DAW1: variants seen among roughly 807,000 people sequenced by gnomAD.
The protein encoded by DAW1 is dynein assembly factor with WD repeats 1.
DAW1 carries 47 observed loss-of-function variants against 56.5 expected under a neutral mutation model. The observed-to-expected ratio is 0.83, with a 90% CI of 0.66 to 1.06. DAW1 has a LOEUF of 1.06. DAW1 is among the 50% of genes least tolerant of loss of function. The pLI is 0.00. For missense variants in DAW1, 505 were observed against 499.3 expected, an observed-to-expected ratio of 1.01 and a Z score of -0.11; for synonymous variants, 190 against 179.0, an observed-to-expected ratio of 1.06 and a Z score of -0.49.
At position 227,903,030 on chromosome 2, in the gene DAW1, C is replaced by A; in HGVS notation, c.569C>A (p.Thr190Lys). Residue 190 changes from threonine to lysine, a missense_variant, in exon 7 of 13, where the codon ACA becomes AAA. By Grantham distance (78) the Thr-to-Lys change is moderately conservative. Transcript: ENST00000309931. ...IVCLSFNPQS[T>K]LVATGSMDTT... Reference sequence around the variant, plus strand: ...TGTTTATCATTTAACCCTCAAAGCACATTGGTGGCGACTGGAAGTATGGAC... The same window carrying A: ...TGTTTATCATTTAACCCTCAAAGCAAATTGGTGGCGACTGGAAGTATGGAC... 6.2e-7 allele frequency: 1 copy of A among 1,614,160 alleles called. No individual in the cohort carries two copies. The highest frequency in any genetic ancestry group is 1.1e-5 in the South Asian group (1 of 91,076).
At chr2:227,900,865 C>T (rs1387623730) in intron 6 of DAW1, among the ~76,000 whole-genome samples, 1 of 152,202 alleles carries the variant, frequency 6.6e-6, no homozygotes, top group Non-Finnish European at 1.5e-5. Flanking sequence ...CATGCCTTGG[C>T]ACACCTATAG....
In DAW1 at chr2:227,903,075, A is replaced by G. The variant is rs572739537; in HGVS notation, c.614A>G (p.Asp205Gly). The G allele has an allele frequency of 7.4e-6, 12 of 1,614,202 alleles. No homozygotes were observed. The South Asian group carries it at 8.8e-5, about 12-fold the overall frequency. Residue 205 changes from aspartate (D) to glycine (G), a missense_variant, in exon 7 of 13, where the codon GAC becomes GGC. Coordinates refer to ENST00000309931, the MANE Select transcript of DAW1 (RefSeq NM_178821.3). Reference sequence around the variant, plus strand: ...ATGGACACAACAGCCAAATTGTGGGACATTCAGAATGGCGAGGAAGTTTAC... The same window carrying G: ...ATGGACACAACAGCCAAATTGTGGGGCATTCAGAATGGCGAGGAAGTTTAC... ...GSMDTTAKLW[D>G]IQNGEEVYTL...
At chr2:227,881,896 G>A (rs1453855062) in intron 1 of DAW1, among the ~76,000 whole-genome samples, 1 of 151,978 alleles carries the variant, frequency 6.6e-6, no homozygotes, top group East Asian at 1.9e-4. Context: ...TGGATTACAG[G>A]TGCCTGCCGT....
At chr2:227,907,038 A>C in intron 9 of DAW1, 100 bp from the exon 10 acceptor site, 1 of 720,414 alleles carries the variant, frequency 1.4e-6, no homozygotes, top group Non-Finnish European at 2.3e-6. Flanking sequence ...ACAGTTATTT[A>C]ACCAGCCATA....
intron 1 of DAW1, among the ~76,000 whole-genome samples, chr2:227,878,689 A>G (rs997744509): frequency 6.6e-6 from 1 of 152,196 alleles, no homozygotes; most frequent in East Asian, 1.9e-4. Flanking sequence ...GTACAACTGC[A>G]CTGCAGCCTG....
intron 10 of DAW1, among the ~76,000 whole-genome samples, chr2:227,910,790 A>G (rs1691796627): frequency 6.6e-6 from 1 of 152,106 alleles, no homozygotes; most frequent in African/African-American, 2.4e-5. Context: ...TTTTTGCATC[A>G]TTTCCCTGAC....
intron 2 of DAW1, among the ~76,000 whole-genome samples, chr2:227,888,954 A>G (rs1172917185): frequency 1.3e-5 from 2 of 152,178 alleles, no homozygotes; most frequent in Admixed American, 1.3e-4. Flanking sequence ...ATGATGCTTT[A>G]AATTTATGGT....
intron 12 of DAW1, among the ~76,000 whole-genome samples, chr2:227,923,255 C>G (rs999104018): frequency 6.6e-6 from 1 of 152,078 alleles, no homozygotes; most frequent in African/African-American, 2.4e-5. Context: ...CCGAGTGGAC[C>G]CTGGTGTGAT....
At chr2:227,871,785 G>C (rs901627721) in intron 1 of DAW1, 56 bp downstream of exon 1, 1 of 1,607,656 alleles carries the variant, frequency 6.2e-7, no homozygotes, top group Admixed American at 1.7e-5. Flanking sequence ...TCCCAGACTG[G>C]GAGGGTTTGG....
At chr2:227,913,928 TTCATC>T (rs1351960262) in intron 10 of DAW1, among the ~76,000 whole-genome samples, 2 of 147,558 alleles carry the variant, frequency 1.4e-5, no homozygotes, top group African/African-American at 2.5e-5. Flanking sequence ...TCTATCTATC[TTCATC>T]ATCATCATCA....
chr2:227,918,753 A>C (rs1393086759), intron 10 of DAW1, 27 bp from the exon 11 acceptor site: 2 of 1,611,424 alleles, frequency 1.2e-6, no homozygotes, highest in Non-Finnish European at 1.7e-6. Context: ...AGATGAATTT[A>C]TATATATCCC....
intron 5 of DAW1, among the ~76,000 whole-genome samples, chr2:227,896,702 G>C (rs1040007078): frequency 1.3e-5 from 2 of 151,798 alleles, no homozygotes; most frequent in East Asian, 3.9e-4. Context: ...CTTAGGGCAG[G>C]AGTAAGCTTT....
intron 10 of DAW1, among the ~76,000 whole-genome samples, chr2:227,907,950 G>A (rs923705427): frequency 2.0e-5 from 3 of 152,130 alleles, no homozygotes; most frequent in Non-Finnish European, 2.9e-5. Flanking sequence ...GTGCTGTTCC[G>A]CTATGTCTAC....
intron 12 of DAW1, 44 bp from the exon 13 acceptor site, chr2:227,923,890 A>G: frequency 6.2e-7 from 1 of 1,608,054 alleles, no homozygotes; most frequent in Non-Finnish European, 8.5e-7. Context: ...AATGAGGTGA[A>G]TGAAATGAAG....
chr2:227,917,929 T>G (rs1692002202), intron 10 of DAW1, among the ~76,000 whole-genome samples: 1 of 152,228 alleles, frequency 6.6e-6, no homozygotes, highest in African/African-American at 2.4e-5. Flanking sequence ...TTTTGTATCC[T>G]TGCTATATTT....
rs561196140 is a variant in DAW1 at position 227,893,123 on chromosome 2, T to A, written c.318-672T>A. ...TCTCTACTAAAAATAAAAAAAAAAA[T>A]TAGACAGGCATGGTGGCGCACCTCT... On this transcript the variant is annotated intron_variant, in intron 4 of 12. Coordinates refer to ENST00000309931, the MANE Select transcript of DAW1 (RefSeq NM_178821.3). 2.8e-3 allele frequency among the ~76,000 whole-genome samples: 420 copies of A among 150,330 alleles called. 3 individuals are homozygous for A. Among genetic ancestry groups the A allele is most frequent in the African/African-American group, 9.5e-3 (389 of 40,772 alleles).
Position 227,906,237 on chromosome 2 carries a change from A to G in DAW1, c.757A>G (p.Lys253Glu). 1.9e-6 allele frequency: 3 copies of G among 1,609,080 alleles called. No homozygotes were observed. The highest frequency in any genetic ancestry group is 2.5e-6 in the Non-Finnish European group (3 of 1,176,896). ...GTTTTAATTATTTTTGTGTTGTAGG[A>G]AGGTAAATATCTTAATTGGTCATTG... ...VVVWDADTGR[K>E]VNILIGHCAE... is the part of the protein sequence containing the mutation. The change falls in exon 9 of 13, where the codon AAG becomes GAG. Residue 253 changes from lysine to glutamate, a missense_variant and splice_region_variant. Physicochemically the swap from Lys to Glu is moderately conservative, Grantham distance 56. Coordinates refer to ENST00000309931, the MANE Select transcript of DAW1 (RefSeq NM_178821.3).
intron 10 of DAW1, among the ~76,000 whole-genome samples, chr2:227,913,871 A>ATATCTATCTATCTATC (rs559993251): frequency 0.03 from 4,275 of 142,646 alleles, 83 homozygotes; most frequent in Middle Eastern, 0.038. Flanking sequence ...GACAGTCATC[A>ATATCTATCTATCTATC]TATCTATCTA....
chr2:227,877,979 T>A (rs1466984237), intron 1 of DAW1, among the ~76,000 whole-genome samples: 1 of 152,246 alleles, frequency 6.6e-6, no homozygotes, highest in Admixed American at 6.5e-5. Context: ...TTGTACAGCA[T>A]CCCCACCAAT....
Sources: gnomAD v4.1 joint callset for allele counts (sites outside exome capture counted in the v4.1 genomes callset) on GRCh38, gnomAD v4.1.1 for gene constraint, MANE v1.5 for transcripts, NCBI Gene and HGNC (gene_info 2026-07-23, HGNC 2026-07-21) for gene names.